The following SLC10A7 variants were observed in gnomAD, a reference collection of about 807,000 sequenced individuals.
SLC10A7 encodes the protein solute carrier family 10 member 7.
SLC10A7 carries 29 observed loss-of-function variants against 43.2 expected under a neutral mutation model. The ratio of observed to expected loss-of-function variants is 0.67; its 90% confidence interval spans 0.50 to 0.92. The LOEUF (loss-of-function observed/expected upper bound fraction) is 0.92, where lower values mean the gene tolerates loss of function less well. SLC10A7 is among the 40% of genes least tolerant of loss of function. The probability of loss-of-function intolerance (pLI) is 0.00; values close to 1 mark genes in which losing one functional copy is unlikely to be tolerated. For synonymous variants in SLC10A7, 152 were observed against 144.8 expected (o/e 1.05, Z -0.35); for missense variants, 295 against 403.2 (o/e 0.73, Z 2.30).
chr4:146,439,314 C>T (rs1209946840), intron 5 of SLC10A7, among the ~76,000 whole-genome samples: 2 of 152,004 alleles, frequency 1.3e-5, no homozygotes, highest in Non-Finnish European at 1.5e-5. Context: ...TAAATATGTA[C>T]AGTATTTTAT....
At chr4:146,283,740 T>G (rs1406137329) in intron 9 of SLC10A7, among the ~76,000 whole-genome samples, 1 of 152,170 alleles carries the variant, frequency 6.6e-6, no homozygotes, top group East Asian at 1.9e-4. Flanking sequence ...AATTATCATT[T>G]TTTGAGCAGT....
chr4:146,325,659 T>C (rs1733052874), intron 6 of SLC10A7, among the ~76,000 whole-genome samples: 1 of 152,154 alleles, frequency 6.6e-6, no homozygotes, highest in Non-Finnish European at 1.5e-5. Flanking sequence ...TTAGTTTTAC[T>C]AATGAGAAAA....
At chr4:146,287,353 G>A (rs993609557) in intron 9 of SLC10A7, among the ~76,000 whole-genome samples, 1 of 152,158 alleles carries the variant, frequency 6.6e-6, no homozygotes, top group Non-Finnish European at 1.5e-5. Context: ...ATGAACATAG[G>A]TCCCAAAGAG....
intron 10 of SLC10A7, among the ~76,000 whole-genome samples, chr4:146,282,722 G>C (rs1460846909): frequency 6.6e-6 from 1 of 152,032 alleles, no homozygotes; most frequent in Admixed American, 6.6e-5. Context: ...TTTCTTTATA[G>C]AAATAACATT....
intron 5 of SLC10A7, among the ~76,000 whole-genome samples, chr4:146,394,735 A>T (rs182396918): frequency 2.0e-5 from 3 of 152,274 alleles, no homozygotes; most frequent in Non-Finnish European, 4.4e-5. Context: ...TACACACACA[A>T]TAAACATGAA....
chr4:146,467,908 T>C (rs1448920202), intron 4 of SLC10A7, among the ~76,000 whole-genome samples: 1 of 152,168 alleles, frequency 6.6e-6, no homozygotes, highest in Non-Finnish European at 1.5e-5. Context: ...CTATGTGATG[T>C]GATGATGCCT....
At chr4:146,501,361 C>A (rs757214687) in intron 4 of SLC10A7, among the ~76,000 whole-genome samples, 2 of 152,166 alleles carry the variant, frequency 1.3e-5, no homozygotes, top group Non-Finnish European at 2.9e-5. Context: ...GCTGACATTA[C>A]AAGTATTCAC....
intron 10 of SLC10A7, among the ~76,000 whole-genome samples, chr4:146,269,959 T>C (rs1728793508): frequency 6.6e-6 from 1 of 152,250 alleles, no homozygotes; most frequent in African/African-American, 2.4e-5. Context: ...ACATGACCTT[T>C]AATTACCTTC....
chr4:146,288,860 T>C (rs1449495973), intron 9 of SLC10A7, among the ~76,000 whole-genome samples: 1 of 152,248 alleles, frequency 6.6e-6, no homozygotes, highest in Non-Finnish European at 1.5e-5. Context: ...TTGAGATATT[T>C]ATTTCCTTTT....
At position 146,387,201 on chromosome 4, in the gene SLC10A7, T is replaced by G. The variant is rs116424214; in HGVS notation, c.435+55582A>C. Among the ~76,000 whole-genome samples the G allele has an allele frequency of 4.2e-3, 636 of 152,226 alleles. 3 individuals are homozygous for G. Among genetic ancestry groups the G allele is most frequent in the African/African-American group, 0.014 (583 of 41,538 alleles). On this transcript the variant is annotated intron_variant, in intron 5 of 11. Transcript: ENST00000335472. ...GGCCAGAGAATAACCCTGATTAACA[T>G]AGATGCAAGAATCCTCAACCAAATA... is the stretch of plus-strand genomic sequence containing the variant.
intron 10 of SLC10A7, among the ~76,000 whole-genome samples, chr4:146,276,254 A>G (rs1310410204): frequency 6.6e-6 from 1 of 152,210 alleles, no homozygotes; most frequent in African/African-American, 2.4e-5. Flanking sequence ...ATATAACAAA[A>G]GTATTTGTTG....
intron 9 of SLC10A7, among the ~76,000 whole-genome samples, chr4:146,289,173 C>T (rs1730234847): frequency 6.6e-6 from 1 of 152,160 alleles, no homozygotes; most frequent in Non-Finnish European, 1.5e-5. Context: ...GAACAAGCTA[C>T]CCAGGGTGCC....
At chr4:146,429,180 A>C (rs938246479) in intron 5 of SLC10A7, among the ~76,000 whole-genome samples, 3 of 152,198 alleles carry the variant, frequency 2.0e-5, no homozygotes, top group Admixed American at 2.0e-4. Context: ...CTTGGAATTT[A>C]AAATCATTTT....
chr4:146,385,484 C>T (rs1165271570), intron 5 of SLC10A7, among the ~76,000 whole-genome samples: 1 of 152,076 alleles, frequency 6.6e-6, no homozygotes, highest in Non-Finnish European at 1.5e-5. Flanking sequence ...CATTTCATGT[C>T]ATATGTTTCG....
At chr4:146,320,874 T>C (rs534588815) in intron 6 of SLC10A7, among the ~76,000 whole-genome samples, 3 of 152,120 alleles carry the variant, frequency 2.0e-5, no homozygotes, top group Non-Finnish European at 2.9e-5. Flanking sequence ...GGAAATGATC[T>C]GGAATTGGCA....
At chr4:146,513,892 A>G (rs937236347) in intron 2 of SLC10A7, 4 of 152,254 alleles carry the variant, frequency 2.6e-5, no homozygotes, top group African/African-American at 9.6e-5. Flanking sequence ...TGAATAATCA[A>G]AAAGTTGGCT....
chr4:146,366,484 A>G (rs1197354877), intron 5 of SLC10A7, among the ~76,000 whole-genome samples: 3 of 152,178 alleles, frequency 2.0e-5, no homozygotes, highest in Non-Finnish European at 4.4e-5. Context: ...TGTGGAAAGG[A>G]GTAGAAGACC....
intron 5 of SLC10A7, among the ~76,000 whole-genome samples, chr4:146,360,910 C>T (rs937536772): frequency 6.6e-6 from 1 of 152,016 alleles, no homozygotes; most frequent in African/African-American, 2.4e-5. Flanking sequence ...ATTAGGTCAC[C>T]CCCCGGCTCA....
At chr4:146,437,506 T>G (rs1183698783) in intron 5 of SLC10A7, among the ~76,000 whole-genome samples, 1 of 152,056 alleles carries the variant, frequency 6.6e-6, no homozygotes, top group Non-Finnish European at 1.5e-5. Flanking sequence ...TTAATGAAAA[T>G]AAAAACTTTT....
Sources: gnomAD v4.1 joint callset for allele counts (sites outside exome capture counted in the v4.1 genomes callset) on GRCh38, gnomAD v4.1.1 for gene constraint, MANE v1.5 for transcripts, NCBI Gene and HGNC (gene_info 2026-07-23, HGNC 2026-07-21) for gene names.